The following GTF2F2 variants were observed in gnomAD, a reference collection of about 807,000 sequenced individuals.
GTF2F2 encodes general transcription factor IIF subunit 2.
A neutral mutation model predicts 42.2 loss-of-function variants in GTF2F2; 23 were observed. That is an observed-to-expected ratio of 0.55 (90% confidence interval 0.39 to 0.77). GTF2F2 has a LOEUF of 0.77. Among genes scored for constraint, GTF2F2 ranks in the 30% least tolerant of loss-of-function variants. The pLI, the probability that GTF2F2 is intolerant of heterozygous loss-of-function variation, is 0.00. For missense variants in GTF2F2, 261 were observed against 287.2 expected (o/e 0.91, Z 0.66); for synonymous variants, 105 against 100.8 (o/e 1.04, Z -0.25).
rs1185575045 is a variant in GTF2F2, at chr13:45,149,843, A to G, written c.159+55A>G. On this transcript the variant is annotated intron_variant, in intron 3 of 7. Coordinates refer to ENST00000340473, the MANE Select transcript of GTF2F2 (RefSeq NM_004128.3). ...AAAACTTGAGACTATCTTTTCATTA[A>G]TAATAGTGAAAAAAGAGTGTTTGAA... 5 of 1,428,000 alleles carry G rather than the reference A, an allele frequency of 3.5e-6. No individual in the cohort carries two copies. The East Asian group carries it at 1.2e-4, about 35-fold the overall frequency. The allele number at this position is 1,428,000 out of a possible 1,614,324, so 88.5% of individuals were successfully genotyped here. A position where few individuals can be genotyped will look rare whatever the true frequency, so the allele number is the denominator to read the frequency against.
chr13:45,194,288 G>T (rs774751523), intron 4 of GTF2F2: 2 of 1,613,984 alleles, frequency 1.2e-6, no homozygotes, highest in African/African-American at 2.7e-5. Context: ...TCTCCATTTC[G>T]TAGGAAGTTT....
Position 45,151,807 on chromosome 13 carries a change from A to G in GTF2F2, c.280A>G (p.Thr94Ala), listed in dbSNP as rs1395351641. ...GCAAAGTGTTGGAGGACAGACATTA[A>G]CAGTATTTACTGAGAGCTCATCAGG... ...VLQSVGGQTL[T>A]VFTESSSDKL... is the part of the protein sequence containing the mutation. The change falls in exon 4 of 8, where the codon ACA becomes GCA. Residue 94 changes from threonine (T) to alanine (A), a missense_variant. Coordinates refer to ENST00000340473, the MANE Select transcript of GTF2F2 (RefSeq NM_004128.3). 6.4e-7 allele frequency: 1 copy of G among 1,557,058 alleles called. No homozygotes were observed. Among genetic ancestry groups the G allele is most frequent in the Non-Finnish European group, 8.7e-7 (1 of 1,142,996 alleles).
intron 5 of GTF2F2, among the ~76,000 whole-genome samples, chr13:45,250,120 T>C (rs373211205): frequency 3.3e-4 from 49 of 148,412 alleles, no homozygotes; most frequent in African/African-American, 1.2e-3. Context: ...AGTGACACGA[T>C]GTTGGCTCAC....
chr13:45,280,834 C>G (rs1877231899), intron 7 of GTF2F2, among the ~76,000 whole-genome samples: 1 of 152,178 alleles, frequency 6.6e-6, no homozygotes, highest in Non-Finnish European at 1.5e-5. Flanking sequence ...TTCTATGGAG[C>G]TACTAAAATG....
At chr13:45,245,963 C>T (rs1409631705) in intron 5 of GTF2F2, among the ~76,000 whole-genome samples, 1 of 149,136 alleles carries the variant, frequency 6.7e-6, no homozygotes, top group Non-Finnish European at 1.5e-5. Flanking sequence ...AAAAGTATTC[C>T]CTTTTCACCA....
intron 2 of GTF2F2, among the ~76,000 whole-genome samples, chr13:45,140,857 A>G (rs188879560): frequency 5.9e-5 from 9 of 152,318 alleles, no homozygotes; most frequent in Admixed American, 5.2e-4. Context: ...TACTTAGATG[A>G]TGAACCTCAT....
chr13:45,278,548 T>G (rs1384937077), intron 7 of GTF2F2, among the ~76,000 whole-genome samples: 1 of 152,196 alleles, frequency 6.6e-6, no homozygotes, highest in Non-Finnish European at 1.5e-5. Context: ...TACTCAGTTC[T>G]AGAATCCTCT....
chr13:45,135,635 T>A (rs761302066), intron 1 of GTF2F2, among the ~76,000 whole-genome samples: 5 of 152,156 alleles, frequency 3.3e-5, no homozygotes, highest in Non-Finnish European at 7.4e-5. Flanking sequence ...CATCCTTCTA[T>A]TCCTGAATTT....
intron 1 of GTF2F2, among the ~76,000 whole-genome samples, chr13:45,133,882 G>A (rs150267835): frequency 0.011 from 1,715 of 152,272 alleles, 37 homozygotes; most frequent in African/African-American, 0.039. Context: ...TAAGTCCGCT[G>A]GGTCTGAGTG....
intron 4 of GTF2F2, among the ~76,000 whole-genome samples, chr13:45,205,138 A>C (rs1873360797): frequency 1.3e-5 from 2 of 152,232 alleles, no homozygotes; most frequent in Admixed American, 1.3e-4. Context: ...TCACACTGCT[A>C]TAAAGAAATG....
chr13:45,272,691 G>C (rs947012032), intron 7 of GTF2F2, among the ~76,000 whole-genome samples: 5 of 150,480 alleles, frequency 3.3e-5, no homozygotes, highest in African/African-American at 1.2e-4. Flanking sequence ...GTTGCAGTAA[G>C]CCAAGATTGT....
chr13:45,209,944 C>T (rs979917898), intron 5 of GTF2F2, among the ~76,000 whole-genome samples: 11 of 152,204 alleles, frequency 7.2e-5, no homozygotes, highest in African/African-American at 2.6e-4. Flanking sequence ...GTTGACTGTT[C>T]CTTCAAAATG....
At chr13:45,243,073 A>G (rs1399700265) in intron 5 of GTF2F2, among the ~76,000 whole-genome samples, 2 of 152,238 alleles carry the variant, frequency 1.3e-5, no homozygotes, top group African/African-American at 4.8e-5. Context: ...AAGTGTAATA[A>G]TGAAGTACAG....
intron 5 of GTF2F2, among the ~76,000 whole-genome samples, chr13:45,222,839 A>AT (rs1874174201): frequency 6.6e-6 from 1 of 152,178 alleles, no homozygotes. Context: ...TTCGTGAACT[A>AT]TGGCTAGATC....
Position 45,191,222 on chromosome 13 carries a change from A to ATATATAT in GTF2F2, c.305-16202_305-16201insTATATAT, listed in dbSNP as rs1555267758. On this transcript the variant is annotated intron_variant, in intron 4 of 7. Transcript: ENST00000340473. Reference sequence around the variant, plus strand: ...CCGTCTCTACTAAAAATACAAAAAAAAAATATATATATATATATATATATA... The same window carrying ATATATAT: ...CCGTCTCTACTAAAAATACAAAAAAATATATATAAATATATATATATATATATATATA... 4.8e-3 allele frequency among the ~76,000 whole-genome samples: 334 copies of ATATATAT among 69,822 alleles called. 5 individuals carry two copies. The highest frequency in any genetic ancestry group is 0.023 in the African/African-American group (215 of 9,194). 45.8% of individuals were successfully genotyped at this position (69,822 alleles called of 152,430 possible).
intron 6 of GTF2F2, among the ~76,000 whole-genome samples, chr13:45,261,676 T>C (rs1876350572): frequency 1.3e-5 from 2 of 152,176 alleles, no homozygotes; most frequent in African/African-American, 4.8e-5. Flanking sequence ...AAGTTAGATA[T>C]CTGACTGCTT....
chr13:45,157,520 G>C (rs1053521370), intron 4 of GTF2F2, among the ~76,000 whole-genome samples: 15 of 152,020 alleles, frequency 9.9e-5, no homozygotes, highest in African/African-American at 3.6e-4. Flanking sequence ...AGTAATCCAG[G>C]GGAGACATGA....
At chr13:45,266,794 C>T (rs577684109) in intron 6 of GTF2F2, among the ~76,000 whole-genome samples, 3 of 152,310 alleles carry the variant, frequency 2.0e-5, no homozygotes, top group Non-Finnish European at 2.9e-5. Context: ...AGGTTCTGAA[C>T]TACTGTTCAG....
chr13:45,233,203 C>T (rs1286825643), intron 5 of GTF2F2, among the ~76,000 whole-genome samples: 4 of 152,186 alleles, frequency 2.6e-5, no homozygotes, highest in Admixed American at 6.5e-5. Context: ...ATTGTGCCTG[C>T]GAAAAGCCAC....
Sources: gnomAD v4.1 joint callset for allele counts (sites outside exome capture counted in the v4.1 genomes callset) on GRCh38, gnomAD v4.1.1 for gene constraint, MANE v1.5 for transcripts, NCBI Gene and HGNC (gene_info 2026-07-23, HGNC 2026-07-21) for gene names.